The following NAPA variants were observed in gnomAD, a reference collection of about 807,000 sequenced individuals.
NAPA encodes the protein alpha-soluble NSF attachment protein.
A neutral mutation model predicts 48.0 loss-of-function variants in NAPA; 18 were observed. The ratio of observed to expected loss-of-function variants is 0.38; its 90% CI spans 0.26 to 0.56. The LOEUF (loss-of-function observed/expected upper bound fraction) is 0.56, where lower values mean the gene tolerates loss of function less well. Among genes scored for constraint, NAPA ranks in the 20% least tolerant of loss-of-function variants. The pLI, the probability that NAPA is intolerant of heterozygous loss-of-function variation, is 0.77. For missense variants in NAPA, 315 were observed against 385.0 expected, an observed-to-expected ratio of 0.82 and a Z score of 1.52; for synonymous variants, 152 against 149.9, an observed-to-expected ratio of 1.01 and a Z score of -0.10.
Position 47,493,091 on chromosome 19 carries a change from G to C in NAPA, c.476+28C>G. The C allele has an allele frequency of 6.2e-7, 1 of 1,614,032 alleles. No individual in the cohort carries two copies. Among genetic ancestry groups the C allele is most frequent in the Non-Finnish European group, 8.5e-7 (1 of 1,179,938 alleles). On this transcript the variant is annotated intron_variant, in intron 6 of 10. Coordinates refer to ENST00000263354, the MANE Select transcript of NAPA (RefSeq NM_003827.4). The surrounding 1 kb of genome is among the most constrained non-coding windows in gnomAD (Gnocchi z 6.4). ...AGGGGAAGTGGTGGCGGTCCCTGCG[G>C]GGCTGGGGCAGGCAGGAAGGGGGCT...
At chr19:47,501,755 A>G (rs780027508) in intron 2 of NAPA, among the ~76,000 whole-genome samples, 3 of 152,174 alleles carry the variant, frequency 2.0e-5, no homozygotes, top group Non-Finnish European at 4.4e-5. Flanking sequence ...CTCCTCGTGC[A>G]GCTGACCACC....
downstream of NAPA, among the ~76,000 whole-genome samples, chr19:47,485,048 C>G (rs188884978): frequency 1.3e-5 from 2 of 152,114 alleles, no homozygotes; most frequent in African/African-American, 4.8e-5. Context: ...TTAATACATT[C>G]TTCTTGCCCC....
Position 47,503,300 on chromosome 19 carries a change from G to C in NAPA, c.178+123C>G, listed in dbSNP as rs901221561. Reference sequence around the variant, plus strand: ...CAAGAGAGCAGGCCAGTGGCTTTCCGATGCCGGAGAGGGCATACAAAGAGA... The same window carrying C: ...CAAGAGAGCAGGCCAGTGGCTTTCCCATGCCGGAGAGGGCATACAAAGAGA... On this transcript the variant is annotated intron_variant, in intron 2 of 10. Coordinates refer to ENST00000263354, the MANE Select transcript of NAPA (RefSeq NM_003827.4). 15 of 871,572 alleles carry C rather than the reference G, an allele frequency of 1.7e-5. 1 individual carries two copies. The South Asian group carries it at 2.1e-4, about 12-fold the overall frequency. The allele number at this position is 871,572 out of a possible 1,614,324, so 54.0% of individuals were successfully genotyped here. A position where few individuals can be genotyped will look rare whatever the true frequency, so the allele number is the denominator to read the frequency against.
chr19:47,503,403 C>T lies in NAPA; in HGVS notation c.178+20G>A, dbSNP rs781506311. Reference sequence around the variant, plus strand: ...GGAGGAGGAGAGCACCTTGGAGGAGCTCTAGCGGAGATGACATACCACTCC... The same window carrying T: ...GGAGGAGGAGAGCACCTTGGAGGAGTTCTAGCGGAGATGACATACCACTCC... On this transcript the variant is annotated intron_variant, in intron 2 of 10. Transcript: ENST00000263354. 2.1e-5 allele frequency: 34 copies of T among 1,609,170 alleles called. No individual in the cohort carries two copies. The Admixed American group carries it at 5.3e-4, about 25-fold the overall frequency.
At chr19:47,512,196 C>G (rs757945632) in intron 1 of NAPA, among the ~76,000 whole-genome samples, 49 of 152,236 alleles carry the variant, frequency 3.2e-4, no homozygotes, top group Non-Finnish European at 6.6e-4. Context: ...ATTTCTGATC[C>G]CTCTGGATCT....
Position 47,493,599 on chromosome 19 carries a change from G to A in NAPA, c.343-106C>T. ...CCCACCCCTCAGCCACGCCTGTGAG[G>A]AGGTATGAAGAAGACCTGAGGTGTG... On this transcript the variant is annotated intron_variant, in intron 4 of 10. Transcript: ENST00000263354. The surrounding 1 kb of genome is among the most constrained non-coding windows in gnomAD (Gnocchi z 6.4). 2.2e-6 allele frequency: 2 copies of A among 920,708 alleles called. No individual in the cohort carries two copies. The highest frequency in any genetic ancestry group is 3.5e-6 in the Non-Finnish European group (2 of 565,482). The allele number at this position is 920,708 out of a possible 1,614,324, so 57.0% of individuals were successfully genotyped here.
At chr19:47,485,238 T>C (rs1278273468), downstream of NAPA, among the ~76,000 whole-genome samples, 3 of 152,158 alleles carry the variant, frequency 2.0e-5, no homozygotes, top group Non-Finnish European at 4.4e-5. Flanking sequence ...CCGGACGTCC[T>C]TTGCAAATCT....
intron 10 of NAPA, 87 bp from the exon 11 acceptor site, chr19:47,488,476 A>T (rs1968140814): frequency 1.9e-6 from 2 of 1,057,210 alleles, no homozygotes; most frequent in African/African-American, 1.6e-5. Context: ...GGTTTTCAAG[A>T]TCTGTCTCTG....
chr19:47,496,722 G>A (rs1032329024), intron 3 of NAPA: 2 of 350,334 alleles, frequency 5.7e-6, no homozygotes, highest in Non-Finnish European at 1.2e-5. Flanking sequence ...TCACGGTCTG[G>A]ATGGGACTCC....
chr19:47,498,679 A>G (rs1968495082), intron 3 of NAPA, among the ~76,000 whole-genome samples: 1 of 152,142 alleles, frequency 6.6e-6, no homozygotes, highest in Non-Finnish European at 1.5e-5. Flanking sequence ...TCAGCCTCCC[A>G]AAGCACTGAA....
intron 1 of NAPA, 83 bp from the exon 2 acceptor site, chr19:47,503,585 C>G: frequency 1.5e-6 from 2 of 1,317,194 alleles, no homozygotes; most frequent in Non-Finnish European, 2.2e-6. Flanking sequence ...GTGCCGGGCA[C>G]AGACGTGCCC....
intron 4 of NAPA, 64 bp downstream of exon 4, chr19:47,495,486 G>A (rs575808957): frequency 7.2e-6 from 11 of 1,521,512 alleles, no homozygotes; most frequent in Non-Finnish European, 1.0e-5. Flanking sequence ...GCTGAAAGAG[G>A]GGACGCAAGG....
chr19:47,504,674 C>CGT (rs1568469699), intron 1 of NAPA, among the ~76,000 whole-genome samples: 32 of 151,736 alleles, frequency 2.1e-4, no homozygotes, highest in African/African-American at 7.3e-4. Flanking sequence ...CATATATACA[C>CGT]ATGTGTATAT....
Position 47,506,623 on chromosome 19 carries a change from G to A in NAPA, c.99-3121C>T, listed in dbSNP as rs1208760283. ...TGGCCCACAGCGGGCAATCAACAAT[G>A]AGCAGAGTCAGCCCAGCCGGGTTTA... On this transcript the variant is annotated intron_variant, in intron 1 of 10. Coordinates refer to ENST00000263354, the MANE Select transcript of NAPA (RefSeq NM_003827.4). The surrounding 1 kb of genome is among the most constrained non-coding windows in gnomAD (Gnocchi z 4.0). Among the ~76,000 whole-genome samples, 2 of 152,214 alleles carry A rather than the reference G, an allele frequency of 1.3e-5. No homozygotes were observed. Among genetic ancestry groups the A allele is most frequent in the Non-Finnish European group, 2.9e-5 (2 of 68,038 alleles).
rs764780910 is a variant in NAPA, at chr19:47,500,730, G to C, written c.198C>G (p.Cys66Trp). Reference sequence around the variant, plus strand: ...GCTGCAGGTGCAGCTGTGCAGCCTGGCAGAACGCGTTTCCAGCAGCTGGAA... The same window carrying C: ...GCTGCAGGTGCAGCTGTGCAGCCTGCCAGAACGCGTTTCCAGCAGCTGGAA... ...KNWSAAGNAF[C>W]QAAQLHLQLQ... The change falls in exon 3 of 11, where the codon TGC becomes TGG. Residue 66 changes from cysteine (C) to tryptophan (W), a missense_variant. This residue lies in a region of NAPA where 173 missense variants were observed against 213.5 expected (regional missense o/e 0.81). Coordinates refer to ENST00000263354, the MANE Select transcript of NAPA (RefSeq NM_003827.4). 6.2e-7 allele frequency: 1 copy of C among 1,606,890 alleles called. No individual in the cohort carries two copies. Among genetic ancestry groups the C allele is most frequent in the East Asian group, 2.3e-5 (1 of 44,400 alleles).
intron 2 of NAPA, among the ~76,000 whole-genome samples, chr19:47,502,279 A>T (rs1392871966): frequency 6.7e-6 from 1 of 148,462 alleles, no homozygotes; most frequent in Non-Finnish European, 1.5e-5. Flanking sequence ...TTTCAAGAAA[A>T]GGGGATATTA....
At chr19:47,510,111 G>T (rs2122780057) in intron 1 of NAPA, among the ~76,000 whole-genome samples, 1 of 152,330 alleles carries the variant, frequency 6.6e-6, no homozygotes, top group Admixed American at 6.5e-5. Context: ...GTGGATCTTG[G>T]CAGCTGGCAG....
chr19:47,505,861 C>A (rs1419532674), intron 1 of NAPA, among the ~76,000 whole-genome samples: 1 of 152,132 alleles, frequency 6.6e-6, no homozygotes, highest in Non-Finnish European at 1.5e-5. Context: ...TGCTGTCCCC[C>A]ACCCTCTGCT....
At chr19:47,514,631 T>G (rs965007478) in intron 1 of NAPA, among the ~76,000 whole-genome samples, 60 of 152,238 alleles carry the variant, frequency 3.9e-4, no homozygotes, top group Admixed American at 3.7e-3. Flanking sequence ...TTCCGCCATG[T>G]CAGACCGTCT....
Sources: gnomAD v4.1 joint callset for allele counts (sites outside exome capture counted in the v4.1 genomes callset) on GRCh38, gnomAD v4.1.1 for gene constraint, gnomAD v4.1.1 regional missense constraint, Gnocchi (gnomAD v3.1) non-coding constraint, MANE v1.5 for transcripts, NCBI Gene and HGNC (gene_info 2026-07-23, HGNC 2026-07-21) for gene names.